The following TBCK variants were observed in gnomAD, a reference collection of about 807,000 sequenced individuals.
The protein encoded by TBCK is TBC1 domain containing kinase.
TBCK carries 99 observed loss-of-function variants against 113.4 expected under a neutral mutation model. The observed-to-expected ratio is 0.87, with a 90% confidence interval of 0.74 to 1.03. TBCK has a LOEUF of 1.03. Among genes scored for constraint, TBCK ranks in the 50% least tolerant of loss-of-function variants. The probability of loss-of-function intolerance (pLI) is 0.00; values close to 1 mark genes in which losing one functional copy is unlikely to be tolerated. For synonymous variants in TBCK, 369 were observed against 370.8 expected (o/e 1.00, Z 0.05); for missense variants, 1,045 against 1,061.3 (o/e 0.98, Z 0.21).
intron 25 of TBCK, among the ~76,000 whole-genome samples, chr4:106,054,780 G>A (rs901641275): frequency 1.3e-5 from 2 of 151,642 alleles, no homozygotes; most frequent in Non-Finnish European, 3.0e-5. Flanking sequence ...TACTTCCAGT[G>A]GAGGAGGCAG....
At chr4:106,204,388 C>T (rs1755215674) in intron 20 of TBCK, among the ~76,000 whole-genome samples, 2 of 152,170 alleles carry the variant, frequency 1.3e-5, no homozygotes, top group Non-Finnish European at 2.9e-5. Context: ...CCTTAAGTCC[C>T]TTCGGGGTCC....
Position 106,248,063 on chromosome 4 carries a change from T to G in TBCK, c.782+182A>C, listed in dbSNP as rs78964809. ...TTTTCTGACCGTAGTTTAACTTTAA[T>G]TACTTTTTCATTAATTCACAAAAAA... On this transcript the variant is annotated intron_variant, in intron 9 of 25. Coordinates refer to ENST00000394708, the MANE Select transcript of TBCK (RefSeq NM_001163435.3). 641 of 407,730 alleles carry G rather than the reference T, an allele frequency of 1.6e-3. 5 individuals are homozygous for G. The highest frequency in any genetic ancestry group is 0.015 in the East Asian group (381 of 26,166). 25.3% of individuals were successfully genotyped at this position (407,730 alleles called of 1,614,324 possible). A position where few individuals can be genotyped will look rare whatever the true frequency, so the allele number is the denominator to read the frequency against.
chr4:106,097,061 C>A (rs2149521757), intron 24 of TBCK, among the ~76,000 whole-genome samples: 1 of 152,074 alleles, frequency 6.6e-6, no homozygotes, highest in Middle Eastern at 3.4e-3. Flanking sequence ...TTATTATGTG[C>A]CTTTAAAGAA....
Position 106,290,644 on chromosome 4 carries a change from T to C in TBCK, c.266+4450A>G, listed in dbSNP as rs186783436. Among the ~76,000 whole-genome samples, 334 of 152,338 alleles carry C rather than the reference T, an allele frequency of 2.2e-3. 2 individuals carry two copies. The highest frequency in any genetic ancestry group is 7.0e-3 in the African/African-American group (289 of 41,576). On this transcript the variant is annotated intron_variant, in intron 3 of 25. Coordinates refer to ENST00000394708, the MANE Select transcript of TBCK (RefSeq NM_001163435.3). ...TTTTCTAAGGAAGGATGTAAGGCTA[T>C]AGTGTACAACAGGGGTTCCCAACCC...
At chr4:106,264,855 G>A (rs553610111) in intron 3 of TBCK, among the ~76,000 whole-genome samples, 7 of 151,830 alleles carry the variant, frequency 4.6e-5, no homozygotes, top group Admixed American at 2.0e-4. Context: ...TTTCATGCAC[G>A]GCGCATCTGA....
intron 19 of TBCK, among the ~76,000 whole-genome samples, chr4:106,228,342 A>ATT (rs35435051): frequency 1.9e-3 from 271 of 146,078 alleles, no homozygotes; most frequent in Non-Finnish European, 3.0e-3. Flanking sequence ...TCTTTCGGTT[A>ATT]TTTTTTTTTT....
chr4:106,085,174 C>A (rs555220093), intron 25 of TBCK, among the ~76,000 whole-genome samples: 2 of 152,094 alleles, frequency 1.3e-5, no homozygotes, highest in South Asian at 4.2e-4. Flanking sequence ...GAGTCAAGAC[C>A]CATTGGTGTG....
At chr4:106,235,208 C>A in intron 15 of TBCK, 61 bp downstream of exon 15, 2 of 1,068,646 alleles carry the variant, frequency 1.9e-6, no homozygotes, top group South Asian at 1.9e-5. Flanking sequence ...GGAAAGCACT[C>A]TCCTTCTCCA....
At chr4:106,165,746 C>T (rs1160530941) in intron 23 of TBCK, among the ~76,000 whole-genome samples, 2 of 151,534 alleles carry the variant, frequency 1.3e-5, no homozygotes, top group Non-Finnish European at 3.0e-5. Context: ...AGTAACCCTG[C>T]CAGGGTGGTA....
intron 23 of TBCK, among the ~76,000 whole-genome samples, chr4:106,167,166 G>C (rs936910722): frequency 2.0e-4 from 29 of 144,994 alleles, no homozygotes; most frequent in African/African-American, 7.3e-4. Context: ...ATATAGAACT[G>C]TATATATAGA....
intron 25 of TBCK, among the ~76,000 whole-genome samples, chr4:106,079,406 T>A (rs1158309918): frequency 2.6e-5 from 4 of 152,328 alleles, no homozygotes; most frequent in Middle Eastern, 3.4e-3. Flanking sequence ...GATGATATGA[T>A]TGTATACCTA....
intron 25 of TBCK, among the ~76,000 whole-genome samples, chr4:106,075,149 GA>G (rs1377400730): frequency 6.6e-6 from 1 of 152,048 alleles, no homozygotes; most frequent in Admixed American, 6.6e-5. Flanking sequence ...TAGTGGGAAG[GA>G]AAAACAATAG....
chr4:106,196,206 G>A (rs575509387), intron 20 of TBCK, among the ~76,000 whole-genome samples: 89 of 151,314 alleles, frequency 5.9e-4, no homozygotes, highest in Admixed American at 1.3e-3. Flanking sequence ...AGTATATATC[G>A]TTCTATATAC....
intron 2 of TBCK, 110 bp downstream of exon 2, chr4:106,308,658 A>G (rs1011029179): frequency 2.1e-6 from 2 of 938,042 alleles, no homozygotes; most frequent in African/African-American, 1.7e-5. Flanking sequence ...AAAGAAGGAC[A>G]TGTGTGCACT....
chr4:106,165,682 G>A (rs1750286319), intron 23 of TBCK, among the ~76,000 whole-genome samples: 1 of 151,664 alleles, frequency 6.6e-6, no homozygotes, highest in Non-Finnish European at 1.5e-5. Context: ...CTCTTTTGGA[G>A]TGCTTATTAT....
chr4:106,184,101 G>A (rs901348350), intron 22 of TBCK, among the ~76,000 whole-genome samples: 1 of 151,984 alleles, frequency 6.6e-6, no homozygotes, highest in African/African-American at 2.4e-5. Context: ...TTTAGACTCT[G>A]ACAAGTAAGA....
intron 20 of TBCK, among the ~76,000 whole-genome samples, chr4:106,199,578 C>T (rs1754647731): frequency 6.6e-6 from 1 of 152,140 alleles, no homozygotes; most frequent in Non-Finnish European, 1.5e-5. Flanking sequence ...GCATGTCTAA[C>T]AGATACACAT....
intron 23 of TBCK, among the ~76,000 whole-genome samples, chr4:106,158,276 G>C (rs1261920697): frequency 1.3e-5 from 2 of 152,162 alleles, no homozygotes; most frequent in African/African-American, 2.4e-5. Flanking sequence ...CAGGCCGGGC[G>C]TGGTGGCTCA....
chr4:106,212,791 C>A lies in TBCK; in HGVS notation c.1819G>T (p.Glu607Ter). 2 of 1,612,726 alleles carry A rather than the reference C, an allele frequency of 1.2e-6. No homozygotes were observed. The highest frequency in any genetic ancestry group is 1.7e-6 in the Non-Finnish European group (2 of 1,179,316). The change falls in exon 20 of 26, where the codon GAG becomes TAG. Residue 607 changes from glutamate (E) to a stop codon, truncating the protein, a stop_gained. Transcript: ENST00000394708. LOFTEE classifies it high-confidence loss of function. ...FSQMIAFHDP[E>*]LSNHLNEIGF... Reference sequence around the variant, plus strand: ...ATCTCATTGAGATGATTACTCAGCTCTGGATCATGAAATGCAATCATCTGA... The same window carrying A: ...ATCTCATTGAGATGATTACTCAGCTATGGATCATGAAATGCAATCATCTGA...
Sources: gnomAD v4.1 joint callset for allele counts (sites outside exome capture counted in the v4.1 genomes callset) on GRCh38, gnomAD v4.1.1 for gene constraint, MANE v1.5 for transcripts, NCBI Gene and HGNC (gene_info 2026-07-23, HGNC 2026-07-21) for gene names.